Variants in ACYP2 observed in about 807,000 individuals in gnomAD.
The protein encoded by ACYP2 is acylphosphatase 2.
ACYP2 carries 12 observed loss-of-function variants against 11.2 expected under a neutral mutation model. That is an observed-to-expected ratio of 1.08 (90% CI 0.69 to 1.74). ACYP2 has a LOEUF of 1.74. ACYP2 is among the 40% of genes most tolerant of loss of function. The pLI, the probability that ACYP2 is intolerant of heterozygous loss-of-function variation, is 0.00. For synonymous variants in ACYP2, 43 were observed against 32.2 expected, an observed-to-expected ratio of 1.33 and a Z score of -1.13; for missense variants, 134 against 101.9, an observed-to-expected ratio of 1.31 and a Z score of -1.35.
intron 6 of ACYP2, among the ~76,000 whole-genome samples, chr2:54,177,232 G>C (rs550505378): frequency 2.2e-3 from 337 of 152,258 alleles, no homozygotes; most frequent in Non-Finnish European, 3.8e-3. Flanking sequence ...TGCTGCCAGT[G>C]GAAGGCACTG....
At chr2:54,044,358 G>T (rs896440144) in intron 2 of ACYP2, among the ~76,000 whole-genome samples, 6 of 152,094 alleles carry the variant, frequency 3.9e-5, no homozygotes, top group Non-Finnish European at 8.8e-5. Context: ...ACTTTGGGAG[G>T]CTGAGGCGGG....
intron 6 of ACYP2, chr2:54,255,630 C>G: frequency 6.2e-7 from 1 of 1,613,588 alleles, no homozygotes; most frequent in South Asian, 1.1e-5. Context: ...TGTTTTCTTC[C>G]GCCACGTCCA....
chr2:54,165,232 C>G (rs537438728), intron 6 of ACYP2, among the ~76,000 whole-genome samples: 5 of 152,232 alleles, frequency 3.3e-5, no homozygotes, highest in Non-Finnish European at 7.4e-5. Flanking sequence ...CATTACCTTG[C>G]TAACGATTTG....
chr2:54,184,562 CAG>C (rs756904683), intron 6 of ACYP2, among the ~76,000 whole-genome samples: 15 of 151,876 alleles, frequency 9.9e-5, no homozygotes, highest in Admixed American at 3.9e-4. Flanking sequence ...GAAAATATAA[CAG>C]AAAATAAGAT....
chr2:54,223,215 G>A (rs576974175), intron 6 of ACYP2: 1 of 152,240 alleles, frequency 6.6e-6, no homozygotes, highest in South Asian at 2.1e-4. Flanking sequence ...TTTTAAAATG[G>A]AATTTCATTG....
chr2:54,068,527 C>T (rs1398792849), intron 4 of ACYP2, among the ~76,000 whole-genome samples: 2 of 152,192 alleles, frequency 1.3e-5, no homozygotes, highest in African/African-American at 2.4e-5. Context: ...AACAGGTATT[C>T]TGTAGAAGGA....
chr2:54,038,510 C>T (rs1675032725), intron 2 of ACYP2, among the ~76,000 whole-genome samples: 1 of 151,302 alleles, frequency 6.6e-6, no homozygotes, highest in Non-Finnish European at 1.5e-5. Context: ...TCATTTAATC[C>T]TTGTAATAGT....
intron 5 of ACYP2, 136 bp from the exon 3 acceptor site, chr2:54,138,503 G>T (rs1681399701): frequency 1.7e-6 from 1 of 589,040 alleles, no homozygotes; most frequent in Non-Finnish European, 3.0e-6. Context: ...GTTACTGTAG[G>T]TCATCTATAC....
chr2:53,999,184 A>G (rs1373936941), intron 2 of ACYP2, among the ~76,000 whole-genome samples: 1 of 152,226 alleles, frequency 6.6e-6, no homozygotes, highest in African/African-American at 2.4e-5. Flanking sequence ...TAATAGCCCC[A>G]AAACTTGCCA....
chr2:54,076,338 A>C (rs1026556128), intron 4 of ACYP2, among the ~76,000 whole-genome samples: 18 of 152,196 alleles, frequency 1.2e-4, no homozygotes, highest in Admixed American at 9.2e-4. Flanking sequence ...TTACTTACAC[A>C]ATTAGCAATT....
intron 4 of ACYP2, among the ~76,000 whole-genome samples, chr2:54,101,540 G>A (rs1472664067): frequency 2.0e-5 from 3 of 151,966 alleles, no homozygotes; most frequent in African/African-American, 4.8e-5. Context: ...ATGGTGGAGC[G>A]CGCCTGTAAT....
At chr2:54,122,853 A>G (rs1469049613) in intron 4 of ACYP2, among the ~76,000 whole-genome samples, 1 of 152,222 alleles carries the variant, frequency 6.6e-6, no homozygotes, top group African/African-American at 2.4e-5. Flanking sequence ...TGAGGGGCCC[A>G]ACAAATAACA....
intron 6 of ACYP2, among the ~76,000 whole-genome samples, chr2:54,159,459 C>T (rs111810047): frequency 0.023 from 3,525 of 151,372 alleles, 123 homozygotes; most frequent in African/African-American, 0.076. Flanking sequence ...CCACCTGCCT[C>T]GGCCTCCAAA....
intron 2 of ACYP2, among the ~76,000 whole-genome samples, chr2:53,987,223 T>C (rs918215740): frequency 1.6e-4 from 25 of 152,310 alleles, no homozygotes; most frequent in Middle Eastern, 3.4e-3. Flanking sequence ...TCTGGAGTTC[T>C]GGTTATGTCC....
At chr2:54,097,903 C>T (rs1456626998) in intron 4 of ACYP2, among the ~76,000 whole-genome samples, 1 of 122,310 alleles carries the variant, frequency 8.2e-6, no homozygotes, top group African/African-American at 2.8e-5. Flanking sequence ...CTCCCTCCTT[C>T]CTTCCTTTCT....
chr2:54,273,847 C>T (rs920142811), intron 6 of ACYP2, among the ~76,000 whole-genome samples: 3 of 152,088 alleles, frequency 2.0e-5, no homozygotes, highest in Non-Finnish European at 2.9e-5. Context: ...CAGCCAAAGC[C>T]GGGAGAGAGG....
At chr2:54,195,794 G>GTTTTTGTTTTT (rs1442057879) in intron 6 of ACYP2, among the ~76,000 whole-genome samples, 2 of 83,134 alleles carry the variant, frequency 2.4e-5, no homozygotes, top group Non-Finnish European at 2.2e-5. Context: ...TTTGTTGTGG[G>GTTTTTGTTTTT]TTTTTTTTTT....
At chr2:54,283,419 T>C (rs928082376) in intron 6 of ACYP2, among the ~76,000 whole-genome samples, 3 of 152,334 alleles carry the variant, frequency 2.0e-5, no homozygotes, top group Non-Finnish European at 4.4e-5. Flanking sequence ...TTGCATGCTT[T>C]CCATGCCCCA....
intron 6 of ACYP2, among the ~76,000 whole-genome samples, chr2:54,267,055 G>T (rs1273998666): frequency 3.9e-5 from 6 of 152,318 alleles, no homozygotes; most frequent in African/African-American, 9.6e-5. Context: ...AAGAGGGTTA[G>T]TAATTCTTAT....
Sources: gnomAD v4.1 joint callset for allele counts (sites outside exome capture counted in the v4.1 genomes callset) on GRCh38, gnomAD v4.1.1 for gene constraint, MANE v1.5 for transcripts, NCBI Gene and HGNC (gene_info 2026-07-23, HGNC 2026-07-21) for gene names.